The following CDH6 variants were observed in gnomAD, a reference collection of about 807,000 sequenced individuals.
The protein encoded by CDH6 is cadherin 6.
Under a neutral mutation model 78.0 loss-of-function variants are expected in CDH6, and 31 were observed. The ratio of observed to expected loss-of-function variants is 0.40; its 90% CI spans 0.30 to 0.54. CDH6 has a LOEUF of 0.54. CDH6 is among the 20% of genes least tolerant of loss of function. The pLI is 0.56. For synonymous variants in CDH6, 376 were observed against 368.8 expected (o/e 1.02, Z -0.23); for missense variants, 724 against 975.9 (o/e 0.74, Z 3.44).
chr5:31,272,193 A>G (rs1235737693), intron 2 of CDH6, among the ~76,000 whole-genome samples: 1 of 152,210 alleles, frequency 6.6e-6, no homozygotes, highest in Non-Finnish European at 1.5e-5. Context: ...AATTAATCGG[A>G]TGAAGAAGCC....
At chr5:31,309,131 T>C (rs1234717869) in intron 7 of CDH6, among the ~76,000 whole-genome samples, 2 of 152,132 alleles carry the variant, frequency 1.3e-5, no homozygotes, top group South Asian at 2.1e-4. Context: ...GTTTCAACCC[T>C]TTTGATAATA....
chr5:31,299,299 A>G (rs1737692241), intron 4 of CDH6, among the ~76,000 whole-genome samples, 165 bp from the exon 5 acceptor site: 1 of 152,008 alleles, frequency 6.6e-6, no homozygotes, highest in Non-Finnish European at 1.5e-5. Flanking sequence ...TGTGGTTGTA[A>G]TATCCTTCAG....
At chr5:31,244,042 T>C (rs1741679313) in intron 1 of CDH6, among the ~76,000 whole-genome samples, 1 of 152,242 alleles carries the variant, frequency 6.6e-6, no homozygotes, top group South Asian at 2.1e-4. Flanking sequence ...AAGCGCTGGA[T>C]TACCTGCCCA....
In CDH6 at chr5:31,305,348, A is replaced by G; in HGVS notation, c.1174A>G (p.Ile392Val). ...VFSKLAYILQ[I>V]REDAQINTTI... ...CAGCAAACTGGCCTACATCTTACAA[A>G]TAAGAGAAGATGCTCAGATAAACAC... is the stretch of plus-strand genomic sequence containing the variant. The change falls in exon 7 of 12, where the codon ATA becomes GTA. Residue 392 changes from isoleucine to valine, a missense_variant. Ile to Val is a conservative substitution (Grantham distance 29, BLOSUM62 3). Coordinates refer to ENST00000265071, the MANE Select transcript of CDH6 (RefSeq NM_004932.4). The G allele has an allele frequency of 3.1e-6, 5 of 1,614,076 alleles. No homozygotes were observed. Among genetic ancestry groups the G allele is most frequent in the Non-Finnish European group, 4.2e-6 (5 of 1,179,916 alleles).
intron 1 of CDH6, among the ~76,000 whole-genome samples, chr5:31,255,302 A>G (rs985909471): frequency 2.6e-5 from 4 of 152,248 alleles, no homozygotes; most frequent in African/African-American, 9.6e-5. Flanking sequence ...TAAATTAGAA[A>G]TGGGGCGTCT....
At chr5:31,233,944 A>G (rs1209865699) in intron 1 of CDH6, among the ~76,000 whole-genome samples, 1 of 152,234 alleles carries the variant, frequency 6.6e-6, no homozygotes, top group East Asian at 1.9e-4. Flanking sequence ...AGGACATGTT[A>G]GGAACTCAAA....
chr5:31,260,217 T>C (rs1742175952), intron 1 of CDH6, among the ~76,000 whole-genome samples: 1 of 152,194 alleles, frequency 6.6e-6, no homozygotes, highest in Admixed American at 6.5e-5. Flanking sequence ...CTCACAGCTA[T>C]CCTATGAGGT....
Position 31,326,796 on chromosome 5 carries a change from A to C in CDH6, c.*3488A>C, listed in dbSNP as rs1047099372. 6.9e-6 allele frequency: 1 copy of C among 145,744 alleles called. No individual in the cohort carries two copies. The highest frequency in any genetic ancestry group is 2.2e-4 in the South Asian group (1 of 4,474). The allele number at this position is 145,744 out of a possible 1,614,324, so 9.0% of individuals were successfully genotyped here. The stretch of plus-strand genomic sequence containing the variant: ...AAGCTCCGCCTCCCGGGTTCACGCC[A>C]TTCTCCTGCCTCAGCGCCCCCAGTA... On this transcript the variant is annotated 3_prime_UTR_variant, in exon 12 of 12. Transcript: ENST00000265071.
intron 1 of CDH6, among the ~76,000 whole-genome samples, chr5:31,205,301 T>C (rs1740484901): frequency 6.6e-6 from 1 of 152,228 alleles, no homozygotes; most frequent in South Asian, 2.1e-4. Flanking sequence ...TTTATAATTC[T>C]GACCACTTTC....
chr5:31,244,928 C>T (rs1741701779), intron 1 of CDH6, among the ~76,000 whole-genome samples: 1 of 152,232 alleles, frequency 6.6e-6, no homozygotes, highest in Admixed American at 6.5e-5. Flanking sequence ...CCCCCACAAA[C>T]AGCAGCTTGA....
intron 1 of CDH6, among the ~76,000 whole-genome samples, chr5:31,245,484 A>T (rs1039681551): frequency 1.3e-5 from 2 of 151,726 alleles, no homozygotes; most frequent in African/African-American, 4.8e-5. Context: ...TCCAGGATGA[A>T]ATGTTAAAAG....
chr5:31,268,338 A>G (rs1197597189), intron 2 of CDH6, among the ~76,000 whole-genome samples: 1 of 152,192 alleles, frequency 6.6e-6, no homozygotes, highest in Non-Finnish European at 1.5e-5. Flanking sequence ...TGCTTATGTA[A>G]AGGTACTCTT....
At chr5:31,308,526 T>G (rs1738058151) in intron 7 of CDH6, among the ~76,000 whole-genome samples, 1 of 151,752 alleles carries the variant, frequency 6.6e-6, no homozygotes, top group African/African-American at 2.4e-5. Context: ...ACAATTAATG[T>G]GACTGGACAA....
At chr5:31,304,114 A>G (rs1205494238) in intron 6 of CDH6, among the ~76,000 whole-genome samples, 2 of 152,188 alleles carry the variant, frequency 1.3e-5, no homozygotes, top group African/African-American at 4.8e-5. Context: ...TTGACAAATA[A>G]TTAGCCCAAT....
chr5:31,198,211 T>C (rs1442441924), intron 1 of CDH6, among the ~76,000 whole-genome samples: 6 of 152,172 alleles, frequency 3.9e-5, no homozygotes, highest in African/African-American at 1.4e-4. Flanking sequence ...GAGCACACAT[T>C]CATAAATGTG....
At chr5:31,210,871 C>G (rs914981730) in intron 1 of CDH6, among the ~76,000 whole-genome samples, 1 of 151,972 alleles carries the variant, frequency 6.6e-6, no homozygotes, top group Non-Finnish European at 1.5e-5. Context: ...GGAAGCTGAA[C>G]GCACAGATAC....
chr5:31,299,763 A>T (rs1342151833), intron 5 of CDH6, 132 bp downstream of exon 5: 1 of 718,366 alleles, frequency 1.4e-6, no homozygotes, highest in African/African-American at 1.8e-5. Flanking sequence ...CTTTTATTAA[A>T]AATGAGTTGA....
chr5:31,222,811 T>A (rs1201971102), intron 1 of CDH6, among the ~76,000 whole-genome samples: 3 of 152,160 alleles, frequency 2.0e-5, no homozygotes, highest in Non-Finnish European at 4.4e-5. Context: ...AAAATAAAAC[T>A]AAGCCAATCT....
chr5:31,201,885 C>A (rs112061198), intron 1 of CDH6, among the ~76,000 whole-genome samples: 3 of 152,128 alleles, frequency 2.0e-5, no homozygotes, highest in Non-Finnish European at 2.9e-5. Flanking sequence ...GAGATTAATA[C>A]TAACATTTGG....
Sources: gnomAD v4.1 joint callset for allele counts (sites outside exome capture counted in the v4.1 genomes callset) on GRCh38, gnomAD v4.1.1 for gene constraint, MANE v1.5 for transcripts, NCBI Gene and HGNC (gene_info 2026-07-23, HGNC 2026-07-21) for gene names.